The following ARHGEF28 variants were observed in gnomAD, a reference collection of about 807,000 sequenced individuals.
ARHGEF28 encodes the protein Rho guanine nucleotide exchange factor 28.
In ARHGEF28, 152 loss-of-function variants were observed where a neutral mutation model predicts 206.6. The observed-to-expected ratio is 0.74, with a 90% CI of 0.64 to 0.84. The LOEUF (loss-of-function observed/expected upper bound fraction) is 0.84. Among genes scored for constraint, ARHGEF28 ranks in the 40% least tolerant of loss-of-function variants. ARHGEF28 has a pLI of 0.00. For missense variants in ARHGEF28, 2,028 were observed against 2,073.2 expected (o/e 0.98, Z 0.42); for synonymous variants, 763 against 776.4 (o/e 0.98, Z 0.29).
At chr5:73,805,652 G>A (rs932542004) in intron 9 of ARHGEF28, among the ~76,000 whole-genome samples, 2 of 152,108 alleles carry the variant, frequency 1.3e-5, no homozygotes, top group African/African-American at 4.8e-5. Context: ...ATAAGCAGGG[G>A]GAAGAGGCTA....
In ARHGEF28 at chr5:73,868,160, G is replaced by A. The variant is rs770982899; in HGVS notation, c.2358G>A (p.Arg786=). The A allele has an allele frequency of 8.1e-6, 13 of 1,605,610 alleles. No individual in the cohort carries two copies. Among genetic ancestry groups the A allele is most frequent in the Middle Eastern group, 1.7e-4 (1 of 6,050 alleles). The part of the protein sequence containing the change: ...SESDHNSCRS[R]SHSDELLQSM... ...GTGACCATAACAGCTGCAGAAGCAG[G>A]TCTCATTCTGATGAGCTGCTACAGT... The change falls in exon 20 of 36, where the codon AGG becomes AGA. Residue 786 remains arginine, a synonymous_variant. Coordinates refer to ENST00000513042, the MANE Select transcript of ARHGEF28 (RefSeq NM_001177693.2).
At chr5:73,723,478 A>T (rs1395226768) in intron 2 of ARHGEF28, among the ~76,000 whole-genome samples, 1 of 152,186 alleles carries the variant, frequency 6.6e-6, no homozygotes, top group Admixed American at 6.5e-5. Context: ...GAGCCACCAC[A>T]CCCAGCCCCA....
At chr5:73,682,253 A>C (rs1193962550) in intron 1 of ARHGEF28, among the ~76,000 whole-genome samples, 2 of 152,158 alleles carry the variant, frequency 1.3e-5, no homozygotes, top group African/African-American at 4.8e-5. Context: ...ATGTCTTAGG[A>C]AACATGACTT....
intron 2 of ARHGEF28, among the ~76,000 whole-genome samples, chr5:73,721,319 C>A (rs957924871): frequency 2.0e-5 from 3 of 152,186 alleles, no homozygotes; most frequent in African/African-American, 4.8e-5. Context: ...CTTCAACCTT[C>A]TCGCTTTTAC....
intron 9 of ARHGEF28, among the ~76,000 whole-genome samples, chr5:73,817,267 A>G (rs544429104): frequency 1.3e-5 from 2 of 152,362 alleles, no homozygotes; most frequent in East Asian, 3.9e-4. Context: ...GTGCAAAACC[A>G]GGCTACAATT....
chr5:73,812,359 G>T (rs1401312364), intron 9 of ARHGEF28, among the ~76,000 whole-genome samples: 1 of 152,180 alleles, frequency 6.6e-6, no homozygotes, highest in Non-Finnish European at 1.5e-5. Flanking sequence ...TTCTAAGTCT[G>T]CAGACTTAAT....
At chr5:73,934,319 T>A (rs888349062) in intron 35 of ARHGEF28, among the ~76,000 whole-genome samples, 2 of 152,218 alleles carry the variant, frequency 1.3e-5, no homozygotes, top group East Asian at 3.8e-4. Flanking sequence ...TATACATAGA[T>A]GGTGTTGTAA....
At chr5:73,826,881 G>A (rs992864742) in intron 9 of ARHGEF28, among the ~76,000 whole-genome samples, 1 of 152,218 alleles carries the variant, frequency 6.6e-6, no homozygotes, top group Non-Finnish European at 1.5e-5. Context: ...GAGTCACCTA[G>A]ATCACATTAC....
intron 7 of ARHGEF28, chr5:73,786,557 C>T (rs1056657811): frequency 6.6e-6 from 1 of 152,162 alleles, no homozygotes; most frequent in Non-Finnish European, 1.5e-5. Context: ...TTATGACCCG[C>T]AGGCACAGAC....
intron 34 of ARHGEF28, among the ~76,000 whole-genome samples, chr5:73,910,298 T>C (rs182580945): frequency 4.8e-4 from 68 of 141,008 alleles, no homozygotes; most frequent in African/African-American, 1.7e-3. Context: ...GGAGAATCAC[T>C]TGAACCCATG....
intron 4 of ARHGEF28, among the ~76,000 whole-genome samples, chr5:73,762,005 T>C (rs1176627392): frequency 6.6e-6 from 1 of 151,564 alleles, no homozygotes; most frequent in Non-Finnish European, 1.5e-5. Context: ...TAATTTTTTT[T>C]TTTTTTTTTA....
At chr5:73,930,351 T>C (rs1209192165) in intron 35 of ARHGEF28, among the ~76,000 whole-genome samples, 1 of 152,254 alleles carries the variant, frequency 6.6e-6, no homozygotes, top group Non-Finnish European at 1.5e-5. Context: ...CAATGAGATT[T>C]AATATCATTT....
chr5:73,728,989 C>T (rs901875165), intron 2 of ARHGEF28, among the ~76,000 whole-genome samples: 2 of 152,166 alleles, frequency 1.3e-5, no homozygotes, highest in Non-Finnish European at 2.9e-5. Context: ...TGATAAGAGG[C>T]CTCATAAATA....
intron 14 of ARHGEF28, among the ~76,000 whole-genome samples, chr5:73,855,998 A>AG (rs1209424499): frequency 6.6e-6 from 1 of 152,204 alleles, no homozygotes; most frequent in African/African-American, 2.4e-5. Flanking sequence ...TTCCGATATT[A>AG]GGTCTCCTCA....
intron 9 of ARHGEF28, chr5:73,813,767 T>C: frequency 1.5e-6 from 2 of 1,374,930 alleles, no homozygotes; most frequent in Non-Finnish European, 2.0e-6. Flanking sequence ...TTTTCCAATG[T>C]AGCGCGTGTT....
chr5:73,858,166 A>G lies in ARHGEF28; in HGVS notation c.1994A>G (p.Gln665Arg), dbSNP rs749359443. 3.1e-6 allele frequency: 5 copies of G among 1,611,770 alleles called. No homozygotes were observed. The African/African-American group carries it at 6.7e-5, about 22-fold the overall frequency. ...CCAGGAACATTCTCTGGGGTTCTGC[A>G]GTGTTTGGTTTGTGATAAAACACTC... ...FAPGTFSGVL[Q>R]CLVCDKTLLG... The change falls in exon 16 of 36, where the codon CAG becomes CGG. Residue 665 changes from glutamine (Q) to arginine (R), a missense_variant. By Grantham distance (43) the Gln-to-Arg change is conservative. Coordinates refer to ENST00000513042, the MANE Select transcript of ARHGEF28 (RefSeq NM_001177693.2).
chr5:73,940,340 A>C (rs372247130), intron 35 of ARHGEF28, among the ~76,000 whole-genome samples: 1 of 152,172 alleles, frequency 6.6e-6, no homozygotes, highest in Non-Finnish European at 1.5e-5. Flanking sequence ...TCTGTGATTA[A>C]CAGCATAATG....
chr5:73,869,175 A>C (rs552983116), intron 20 of ARHGEF28, among the ~76,000 whole-genome samples: 1 of 116,662 alleles, frequency 8.6e-6, no homozygotes, highest in East Asian at 3.0e-4. Flanking sequence ...AATGAGTGCC[A>C]TTTGGGTAAA....
chr5:73,750,431 C>T (rs1751965435), intron 3 of ARHGEF28, among the ~76,000 whole-genome samples: 1 of 152,014 alleles, frequency 6.6e-6, no homozygotes, highest in South Asian at 2.1e-4. Flanking sequence ...TGCCTCTCCT[C>T]TGCTTGCTCC....
Sources: allele counts gnomAD v4.1 joint callset (sites outside exome capture counted in the v4.1 genomes callset), GRCh38; gene constraint gnomAD v4.1.1; transcripts MANE v1.5; gene names NCBI Gene and HGNC (gene_info 2026-07-23, HGNC 2026-07-21).